The following SEMA5A variants were observed in gnomAD, a reference collection of about 807,000 sequenced individuals.
SEMA5A encodes the protein semaphorin-5A.
In SEMA5A, 55 loss-of-function variants were observed where a neutral mutation model predicts 135.5. The observed-to-expected ratio is 0.41, with a 90% CI of 0.33 to 0.51. The LOEUF (loss-of-function observed/expected upper bound fraction) is 0.51. Among genes scored for constraint, SEMA5A ranks in the 20% least tolerant of loss-of-function variants. The pLI is 0.37. For missense variants in SEMA5A, 1,290 were observed against 1,419.9 expected, an observed-to-expected ratio of 0.91 and a Z score of 1.47; for synonymous variants, 580 against 546.5, an observed-to-expected ratio of 1.06 and a Z score of -0.85.
At chr5:9,258,129 CAT>C (rs550056801) in intron 5 of SEMA5A, among the ~76,000 whole-genome samples, 26 of 152,172 alleles carry the variant, frequency 1.7e-4, no homozygotes, top group Admixed American at 6.5e-4. Flanking sequence ...ATATTACTAA[CAT>C]AAAAAAAGAA....
intron 16 of SEMA5A, among the ~76,000 whole-genome samples, chr5:9,105,821 G>A (rs1488201449): frequency 1.3e-5 from 2 of 152,150 alleles, no homozygotes; most frequent in East Asian, 1.9e-4. Flanking sequence ...AATAAAAACC[G>A]AACCCTTTGT....
At chr5:9,084,539 A>G (rs2150110444) in intron 16 of SEMA5A, among the ~76,000 whole-genome samples, 1 of 152,346 alleles carries the variant, frequency 6.6e-6, no homozygotes, top group African/African-American at 2.4e-5. Context: ...TTTTAAAAAC[A>G]GGAGTTTCCC....
At chr5:9,152,774 G>A (rs1017590990) in intron 12 of SEMA5A, among the ~76,000 whole-genome samples, 25 of 152,206 alleles carry the variant, frequency 1.6e-4, no homozygotes, top group African/African-American at 6.0e-4. Context: ...CCTGGGTCAA[G>A]AAACAGCAAC....
At chr5:9,343,893 C>T (rs1236703841) in intron 3 of SEMA5A, among the ~76,000 whole-genome samples, 2 of 152,096 alleles carry the variant, frequency 1.3e-5, no homozygotes, top group Non-Finnish European at 2.9e-5. Flanking sequence ...GCCACGTGTA[C>T]CCCCAAAATA....
Position 9,035,485 on chromosome 5 carries a change from A to G in SEMA5A, c.*7412T>C, listed in dbSNP as rs1735597156. ...ACTTCCATAGTTGATCCAATGCAGC[A>G]GGTAATGAGTTTCCAGTTGCCACAA... On this transcript the variant is annotated 3_prime_UTR_variant, in exon 23 of 23. Coordinates refer to ENST00000382496, the MANE Select transcript of SEMA5A (RefSeq NM_003966.3). 6.6e-6 allele frequency: 1 copy of G among 152,138 alleles called. No homozygotes were observed. Among genetic ancestry groups the G allele is most frequent in the Non-Finnish European group, 1.5e-5 (1 of 68,022 alleles). The allele number at this position is 152,138 out of a possible 1,614,324, so 9.4% of individuals were successfully genotyped here.
chr5:9,137,669 G>A (rs1465110683), intron 12 of SEMA5A, among the ~76,000 whole-genome samples: 1 of 152,160 alleles, frequency 6.6e-6, no homozygotes, highest in African/African-American at 2.4e-5. Flanking sequence ...CTTACAGTGA[G>A]GGAGGTCCTG....
At chr5:9,309,046 G>C (rs550742089) in intron 5 of SEMA5A, among the ~76,000 whole-genome samples, 11 of 152,240 alleles carry the variant, frequency 7.2e-5, no homozygotes, top group African/African-American at 2.6e-4. Context: ...CATTACTTAA[G>C]CAAGACAGAA....
At position 9,447,207 on chromosome 5, in the gene SEMA5A, G is replaced by A. The variant is rs538391853; in HGVS notation, c.-174-9355C>T. 4.1e-4 allele frequency among the ~76,000 whole-genome samples: 62 copies of A among 152,318 alleles called. 1 individual carries two copies. In the East Asian group the frequency reaches 0.012, roughly 28 times the overall value. ...CAACTCAGTAATGGAAAGAAGATTA[G>A]TATAAACCCGTGCAAGCCAATCCAA... On this transcript the variant is annotated intron_variant, in intron 1 of 22. Transcript: ENST00000382496.
chr5:9,214,368 A>G (rs1746502830), intron 8 of SEMA5A, among the ~76,000 whole-genome samples: 1 of 152,140 alleles, frequency 6.6e-6, no homozygotes, highest in Admixed American at 6.5e-5. Context: ...ACCTCCCACC[A>G]TCTAGAGCCC....
chr5:9,309,579 C>T (rs774060846), intron 5 of SEMA5A, among the ~76,000 whole-genome samples: 10 of 152,046 alleles, frequency 6.6e-5, no homozygotes, highest in African/African-American at 1.7e-4. Context: ...GGATTGAAGA[C>T]GGGATACCAT....
chr5:9,088,659 T>TACACACAC (rs1554026678), intron 16 of SEMA5A, among the ~76,000 whole-genome samples: 34 of 112,770 alleles, frequency 3.0e-4, no homozygotes, highest in African/African-American at 1.2e-3. Context: ...TATATATATA[T>TACACACAC]ACACACACAC....
chr5:9,242,719 C>G (rs1748268581), intron 5 of SEMA5A, among the ~76,000 whole-genome samples: 1 of 152,120 alleles, frequency 6.6e-6, no homozygotes, highest in Non-Finnish European at 1.5e-5. Flanking sequence ...CACTGAAGAA[C>G]TTACTCATGT....
rs542515976 is a variant in SEMA5A at position 9,163,274 on chromosome 5, A to T, written c.1274-8579T>A. Among the ~76,000 whole-genome samples the T allele has an allele frequency of 6.5e-3, 982 of 152,210 alleles. 5 individuals carry two copies. Among genetic ancestry groups the T allele is most frequent in the African/African-American group, 0.023 (944 of 41,480 alleles). ...TATTGCTGTTTCATTTAAAAAAAAA[A>T]AGAATTTAGATGACAAAGGATTTGT... is the stretch of plus-strand genomic sequence containing the variant. On this transcript the variant is annotated intron_variant, in intron 11 of 22. Coordinates refer to ENST00000382496, the MANE Select transcript of SEMA5A (RefSeq NM_003966.3).
chr5:9,209,704 G>C (rs760208566), intron 8 of SEMA5A, among the ~76,000 whole-genome samples: 8 of 152,192 alleles, frequency 5.3e-5, no homozygotes, highest in Non-Finnish European at 1.2e-4. Context: ...GGGGCAAAAA[G>C]AAGACCAAGA....
At chr5:9,361,417 G>A (rs1754690390) in intron 3 of SEMA5A, among the ~76,000 whole-genome samples, 1 of 152,122 alleles carries the variant, frequency 6.6e-6, no homozygotes, top group Non-Finnish European at 1.5e-5. Flanking sequence ...AGAAAGGAGG[G>A]AAAGTGATGA....
At chr5:9,506,139 G>A (rs370128850) in intron 1 of SEMA5A, among the ~76,000 whole-genome samples, 1 of 152,170 alleles carries the variant, frequency 6.6e-6, no homozygotes, top group East Asian at 1.9e-4. Context: ...AGAAGACTGA[G>A]CAATAGACAA....
intron 5 of SEMA5A, among the ~76,000 whole-genome samples, chr5:9,239,323 C>T (rs1188816820): frequency 2.0e-5 from 3 of 152,066 alleles, no homozygotes; most frequent in African/African-American, 7.2e-5. Context: ...TTGATGGTAA[C>T]AATACAGTCA....
chr5:9,265,344 C>A, intron 5 of SEMA5A: 1 of 440,514 alleles, frequency 2.3e-6, no homozygotes, highest in South Asian at 1.6e-5. Flanking sequence ...CCTGCCTATC[C>A]ATGAGGTGTG....
intron 5 of SEMA5A, among the ~76,000 whole-genome samples, chr5:9,303,245 T>C (rs1751700424): frequency 6.6e-6 from 1 of 151,852 alleles, no homozygotes; most frequent in African/African-American, 2.4e-5. Flanking sequence ...GCCTCCCCAG[T>C]AGCTGGGAAT....
Sources: allele counts gnomAD v4.1 joint callset (sites outside exome capture counted in the v4.1 genomes callset), GRCh38; gene constraint gnomAD v4.1.1; transcripts MANE v1.5; gene names NCBI Gene and HGNC (gene_info 2026-07-23, HGNC 2026-07-21).